Variants in MYO5B observed in about 807,000 individuals in gnomAD.
The protein encoded by MYO5B is myosin VB.
MYO5B carries 143 observed loss-of-function variants against 229.3 expected under a neutral mutation model. That is an observed-to-expected ratio of 0.62 (90% confidence interval 0.54 to 0.72). The LOEUF (loss-of-function observed/expected upper bound fraction) is 0.72, where lower values mean the gene tolerates loss of function less well. Among genes scored for constraint, MYO5B ranks in the 30% least tolerant of loss-of-function variants. The probability of loss-of-function intolerance (pLI) is 0.00; values close to 1 mark genes in which losing one functional copy is unlikely to be tolerated. For synonymous variants in MYO5B, 918 were observed against 885.2 expected (o/e 1.04, Z -0.66); for missense variants, 2,321 against 2,331.0 (o/e 1.00, Z 0.09).
chr18:50,075,997 A>C (rs1010822880), intron 1 of MYO5B, among the ~76,000 whole-genome samples: 3 of 152,210 alleles, frequency 2.0e-5, no homozygotes, highest in African/African-American at 7.2e-5. Context: ...CTGCAATTTG[A>C]ATCCACGAAG....
At chr18:50,093,745 C>G (rs560242019) in intron 1 of MYO5B, among the ~76,000 whole-genome samples, 25 of 151,730 alleles carry the variant, frequency 1.6e-4, no homozygotes, top group African/African-American at 5.8e-4. Flanking sequence ...TCATTAAACA[C>G]TAATTATACT....
chr18:50,193,532 G>T (rs2033256471), intron 1 of MYO5B, among the ~76,000 whole-genome samples: 1 of 152,248 alleles, frequency 6.6e-6, no homozygotes, highest in Non-Finnish European at 1.5e-5. Context: ...CTAGACAGCC[G>T]CGTGTGATCG....
In MYO5B at chr18:49,952,108, C is replaced by T. The variant is rs1374707742; in HGVS notation, c.1752+1152G>A. On this transcript the variant is annotated intron_variant, in intron 14 of 39. Coordinates refer to ENST00000285039, the MANE Select transcript of MYO5B (RefSeq NM_001080467.3). ...GGCAGTCTGCATGCTGCTACTGACT[C>T]AAATCCTCCCTAAACCCCTCACCAC... 2.0e-5 allele frequency among the ~76,000 whole-genome samples: 3 copies of T among 152,344 alleles called. No homozygotes were observed. In the East Asian group the frequency reaches 5.8e-4, roughly 29 times the overall value.
At chr18:50,186,962 G>T (rs1360780767) in intron 1 of MYO5B, among the ~76,000 whole-genome samples, 1 of 152,136 alleles carries the variant, frequency 6.6e-6, no homozygotes, top group Admixed American at 6.5e-5. Flanking sequence ...CTTCATTAAA[G>T]AAAAGCAAAT....
chr18:50,176,805 C>T (rs898285534), intron 1 of MYO5B, among the ~76,000 whole-genome samples: 3 of 152,208 alleles, frequency 2.0e-5, no homozygotes, highest in Non-Finnish European at 4.4e-5. Flanking sequence ...CTAAAGGCTG[C>T]AACTATTTAA....
chr18:50,075,198 T>C (rs999664632), intron 1 of MYO5B, among the ~76,000 whole-genome samples: 3 of 152,130 alleles, frequency 2.0e-5, no homozygotes, highest in African/African-American at 7.2e-5. Flanking sequence ...CGCATTCCAG[T>C]TGTCCTTGCC....
chr18:49,880,126 G>A (rs1334822077), intron 23 of MYO5B, among the ~76,000 whole-genome samples: 3 of 152,278 alleles, frequency 2.0e-5, no homozygotes, highest in East Asian at 1.9e-4. Flanking sequence ...CTTCAAGTGC[G>A]GGCCTCCCTG....
chr18:50,054,660 A>T (rs2030495461), intron 2 of MYO5B, among the ~76,000 whole-genome samples: 1 of 152,176 alleles, frequency 6.6e-6, no homozygotes. Context: ...CTTGTCTTCC[A>T]CTTGAAAGAA....
chr18:50,184,856 T>C (rs943100366), intron 1 of MYO5B, among the ~76,000 whole-genome samples: 1 of 149,144 alleles, frequency 6.7e-6, no homozygotes, highest in Non-Finnish European at 1.5e-5. Flanking sequence ...ATGAGCAACA[T>C]GGTGAGACCC....
intron 1 of MYO5B, among the ~76,000 whole-genome samples, chr18:50,077,540 C>CACACACAG (rs1491568419): frequency 6.7e-6 from 1 of 148,286 alleles, no homozygotes; most frequent in Non-Finnish European, 1.5e-5. Context: ...CACACACACA[C>CACACACAG]AGTAAAGGAC....
intron 21 of MYO5B, among the ~76,000 whole-genome samples, chr18:49,897,690 G>T (rs973682182): frequency 1.3e-5 from 2 of 152,162 alleles, no homozygotes; most frequent in Admixed American, 6.5e-5. Flanking sequence ...CAAGTTAAAA[G>T]TATTATTTAT....
At chr18:50,073,225 C>G (rs969955516) in intron 1 of MYO5B, among the ~76,000 whole-genome samples, 12 of 152,146 alleles carry the variant, frequency 7.9e-5, no homozygotes, top group African/African-American at 2.9e-4. Flanking sequence ...CCCCAGATGA[C>G]AGAATAAAAA....
chr18:50,071,074 T>C (rs1025792811), intron 1 of MYO5B, among the ~76,000 whole-genome samples: 2 of 152,214 alleles, frequency 1.3e-5, no homozygotes, highest in Admixed American at 6.5e-5. Flanking sequence ...TCCTCCCGCC[T>C]TGGCCTCCCC....
At chr18:49,994,715 T>C (rs947301231) in intron 5 of MYO5B, among the ~76,000 whole-genome samples, 1 of 152,196 alleles carries the variant, frequency 6.6e-6, no homozygotes, top group Non-Finnish European at 1.5e-5. Context: ...CCCACCAACC[T>C]TGTCATCTTA....
Position 49,912,111 on chromosome 18 carries a change from T to G in MYO5B, c.2153A>C (p.Asn718Thr). 6.2e-7 allele frequency: 1 copy of G among 1,614,152 alleles called. No individual in the cohort carries two copies. The highest frequency in any genetic ancestry group is 8.5e-7 in the Non-Finnish European group (1 of 1,180,034). Reference sequence around the variant, plus strand: ...CCTGCAGATGGCCTTTTTGTCTGTGTTGGCGAGCTCTCTCTTCTTGACCAG... The same window carrying G: ...CCTGCAGATGGCCTTTTTGTCTGTGGTGGCGAGCTCTCTCTTCTTGACCAG... ...RVLVKKRELA[N>T]TDKKAICRSV... Residue 718 changes from asparagine to threonine, a missense_variant, in exon 18 of 40, where the codon AAC becomes ACC. Physicochemically the swap from Asn to Thr is moderately conservative, Grantham distance 65. Transcript: ENST00000285039.
At chr18:50,080,785 A>G (rs1455257321) in intron 1 of MYO5B, among the ~76,000 whole-genome samples, 5 of 152,196 alleles carry the variant, frequency 3.3e-5, no homozygotes, top group Non-Finnish European at 7.3e-5. Flanking sequence ...GCAAGTTCCC[A>G]TAAGAGAACT....
intron 22 of MYO5B, among the ~76,000 whole-genome samples, chr18:49,887,060 T>C (rs1320640934): frequency 6.6e-6 from 1 of 152,124 alleles, no homozygotes; most frequent in Non-Finnish European, 1.5e-5. Flanking sequence ...ATGAATGCTG[T>C]AGCACCATCC....
rs775935830 is a variant in MYO5B at position 49,963,079 on chromosome 18, A to G, written c.1323-49T>C. On this transcript the variant is annotated intron_variant, in intron 10 of 39. Coordinates refer to ENST00000285039, the MANE Select transcript of MYO5B (RefSeq NM_001080467.3). ...AGAGACGTCTCCTTTCAACAAAGGAATCACTGGGACTTCAACAAAGCTGCT... is the reference window on the plus strand; with the variant it reads ...AGAGACGTCTCCTTTCAACAAAGGAGTCACTGGGACTTCAACAAAGCTGCT... The G allele has an allele frequency of 2.7e-6, 4 of 1,484,294 alleles. No individual in the cohort carries two copies. The African/African-American group carries it at 4.1e-5, about 15-fold the overall frequency. The allele number at this position is 1,484,294 out of a possible 1,614,324, so 91.9% of individuals were successfully genotyped here.
chr18:50,070,639 T>C (rs990652626), intron 1 of MYO5B, among the ~76,000 whole-genome samples: 2 of 152,050 alleles, frequency 1.3e-5, no homozygotes, highest in African/African-American at 4.8e-5. Context: ...TCTAGAATCA[T>C]CTCAAAAACA....
Sources: allele counts gnomAD v4.1 joint callset (sites outside exome capture counted in the v4.1 genomes callset), GRCh38; gene constraint gnomAD v4.1.1; transcripts MANE v1.5; gene names NCBI Gene and HGNC (gene_info 2026-07-23, HGNC 2026-07-21).